Variants in SWT1 observed in about 807,000 individuals in gnomAD.
SWT1 encodes the protein SWT1 RNA endoribonuclease homolog.
Under a neutral mutation model 107.3 loss-of-function variants are expected in SWT1, and 33 were observed. The ratio of observed to expected loss-of-function variants is 0.31; its 90% CI spans 0.23 to 0.41. SWT1 has a LOEUF of 0.41. SWT1 is among the 10% of genes least tolerant of loss of function. SWT1 has a pLI of 1.00. For synonymous variants in SWT1, 345 were observed against 348.3 expected (o/e 0.99, Z 0.11); for missense variants, 898 against 1,028.9 (o/e 0.87, Z 1.74).
chr1:185,210,292 T>C (rs1658684461), intron 13 of SWT1, among the ~76,000 whole-genome samples: 1 of 152,228 alleles, frequency 6.6e-6, no homozygotes, highest in Non-Finnish European at 1.5e-5. Flanking sequence ...ATGAAGTCTT[T>C]GCTCATGCCT....
At chr1:185,171,470 C>A (rs1655053961) in intron 4 of SWT1, 64 of 290,890 alleles carry the variant, frequency 2.2e-4, no homozygotes, top group South Asian at 2.0e-3. Context: ...ATTTCAAATA[C>A]CTTTTGGGAA....
chr1:185,265,557 A>AATGAG (rs1240746203), intron 16 of SWT1, among the ~76,000 whole-genome samples: 2 of 152,240 alleles, frequency 1.3e-5, no homozygotes, highest in African/African-American at 4.8e-5. Context: ...ACTGTATTAA[A>AATGAG]ATGAGAAGCA....
chr1:185,210,575 C>T (rs1658707189), intron 13 of SWT1, among the ~76,000 whole-genome samples: 1 of 152,098 alleles, frequency 6.6e-6, no homozygotes, highest in Admixed American at 6.6e-5. Context: ...GTATGACAAA[C>T]CCACAGCCAA....
chr1:185,249,875 G>A (rs1423276463), intron 16 of SWT1, among the ~76,000 whole-genome samples: 1 of 152,150 alleles, frequency 6.6e-6, no homozygotes, highest in African/African-American at 2.4e-5. Flanking sequence ...CAATTGAGGA[G>A]CCTCCTCAAG....
rs1352754067 is a variant in SWT1, at chr1:185,271,411, A to G, written c.2508+22A>G. On this transcript the variant is annotated intron_variant, in intron 17 of 18. Coordinates refer to ENST00000367500, the MANE Select transcript of SWT1 (RefSeq NM_017673.7). ...TGAGGTATGGGAAATATTTTAAAAT[A>G]TTTATCACATTTCTACTTTAAACAA... 4 of 1,202,450 alleles carry G rather than the reference A, an allele frequency of 3.3e-6. No homozygotes were observed. In the South Asian group the frequency reaches 3.9e-5, roughly 12 times the overall value. The allele number at this position is 1,202,450 out of a possible 1,614,324, so 74.5% of individuals were successfully genotyped here. A position where few individuals can be genotyped will look rare whatever the true frequency, so the allele number is the denominator to read the frequency against.
chr1:185,201,219 C>G (rs564902221), intron 10 of SWT1, among the ~76,000 whole-genome samples: 9 of 152,220 alleles, frequency 5.9e-5, no homozygotes, highest in South Asian at 4.2e-4. Flanking sequence ...AGCTAGACCA[C>G]TTGGCTCTGT....
At chr1:185,276,716 C>T in intron 18 of SWT1, 48 bp downstream of exon 18, 1 of 1,035,464 alleles carries the variant, frequency 9.7e-7, no homozygotes, top group Non-Finnish European at 1.4e-6. Context: ...CAAGCTTTTC[C>T]ATATACAGCA....
chr1:185,213,601 G>GCTGAT (rs1658994153), intron 13 of SWT1, among the ~76,000 whole-genome samples: 1 of 152,124 alleles, frequency 6.6e-6, no homozygotes, highest in South Asian at 2.1e-4. Flanking sequence ...GAACAGCCAT[G>GCTGAT]CTGATATTTC....
At chr1:185,195,692 A>G (rs1657327668) in intron 10 of SWT1, among the ~76,000 whole-genome samples, 1 of 152,166 alleles carries the variant, frequency 6.6e-6, no homozygotes, top group Admixed American at 6.5e-5. Flanking sequence ...TTGCCATTCT[A>G]ACTGGCATGA....
chr1:185,227,906 A>T (rs1277082679), intron 15 of SWT1, among the ~76,000 whole-genome samples: 2 of 151,802 alleles, frequency 1.3e-5, no homozygotes, highest in Non-Finnish European at 2.9e-5. Context: ...CCTGGGCAAC[A>T]TGGTGAGACT....
chr1:185,269,379 T>G lies in SWT1; in HGVS notation c.2442-1944T>G, dbSNP rs143352953. ...GGAGGGTTAAGAGGTTTTTGTTTTT[T>G]TTTTTTTTTGTATTTTAAAATTACT... On this transcript the variant is annotated intron_variant, in intron 16 of 18. Coordinates refer to ENST00000367500, the MANE Select transcript of SWT1 (RefSeq NM_017673.7). Among the ~76,000 whole-genome samples, 284 of 151,656 alleles carry G rather than the reference T, an allele frequency of 1.9e-3. 5 individuals are homozygous for G. Among genetic ancestry groups the G allele is most frequent in the Middle Eastern group, 0.017 (5 of 292 alleles).
In SWT1 at chr1:185,261,787, AGTT is replaced by A. The variant is rs558712615; in HGVS notation, c.2442-9534_2442-9532del. ...AATATACAAAACTGTGCACTTTCAA[AGTT>A]GATCAATTAAATGTGTATAATAAAA... On this transcript the variant is annotated intron_variant, in intron 16 of 18. Coordinates refer to ENST00000367500, the MANE Select transcript of SWT1 (RefSeq NM_017673.7). Among the ~76,000 whole-genome samples, 6 of 152,202 alleles carry A rather than the reference AGTT, an allele frequency of 3.9e-5. No individual in the cohort carries two copies. In the East Asian group the frequency reaches 1.2e-3, roughly 29 times the overall value.
intron 14 of SWT1, among the ~76,000 whole-genome samples, chr1:185,216,458 A>C (rs2102507324): frequency 6.6e-6 from 1 of 152,344 alleles, no homozygotes; most frequent in South Asian, 2.1e-4. Flanking sequence ...AAGTCTTAAC[A>C]GTCTTTTAAT....
chr1:185,245,162 A>G (rs1459416224), intron 16 of SWT1, among the ~76,000 whole-genome samples: 1 of 152,184 alleles, frequency 6.6e-6, no homozygotes, highest in African/African-American at 2.4e-5. Context: ...AAACACACAC[A>G]TTGTACAACT....
At chr1:185,166,534 G>A (rs758502900) in intron 2 of SWT1, 38 bp from the exon 3 acceptor site, 2 of 1,344,456 alleles carry the variant, frequency 1.5e-6, no homozygotes, top group Admixed American at 3.8e-5. Context: ...GCTTTATTTT[G>A]TGCTTTTTAA....
intron 1 of SWT1, among the ~76,000 whole-genome samples, chr1:185,160,530 G>T (rs1021062687): frequency 6.6e-6 from 1 of 151,924 alleles, no homozygotes; most frequent in African/African-American, 2.4e-5. Context: ...GTGAAACCCT[G>T]TCTCTACTAA....
At chr1:185,173,349 G>A (rs1423780206) in intron 4 of SWT1, among the ~76,000 whole-genome samples, 2 of 151,802 alleles carry the variant, frequency 1.3e-5, no homozygotes, top group Admixed American at 1.3e-4. Context: ...CATATTATCA[G>A]TGTTATCCTT....
chr1:185,246,599 T>C (rs1018582030), intron 16 of SWT1, among the ~76,000 whole-genome samples: 2 of 151,016 alleles, frequency 1.3e-5, no homozygotes, highest in Non-Finnish European at 2.9e-5. Flanking sequence ...TTGTATATCT[T>C]AATTATGTTC....
chr1:185,166,675 C>G, intron 3 of SWT1, 23 bp downstream of exon 3: 3 of 1,410,478 alleles, frequency 2.1e-6, no homozygotes, highest in Non-Finnish European at 2.9e-6. Flanking sequence ...ATATAACTAA[C>G]TAAAAGTTAT....
Sources: gnomAD v4.1 joint callset for allele counts (sites outside exome capture counted in the v4.1 genomes callset) on GRCh38, gnomAD v4.1.1 for gene constraint, MANE v1.5 for transcripts, NCBI Gene and HGNC (gene_info 2026-07-23, HGNC 2026-07-21) for gene names.